BCAS3: variants seen among roughly 807,000 people sequenced by gnomAD.
The protein encoded by BCAS3 is BCAS4/BCAS3 fusion.
Under a neutral mutation model 116.1 loss-of-function variants are expected in BCAS3, and 53 were observed. That is an observed-to-expected ratio of 0.46 (90% CI 0.37 to 0.57). The LOEUF is 0.57. Among genes scored for constraint, BCAS3 ranks in the 20% least tolerant of loss-of-function variants. The pLI, the probability that BCAS3 is intolerant of heterozygous loss-of-function variation, is 0.00. For missense variants in BCAS3, 917 were observed against 1,165.4 expected (o/e 0.79, Z 3.10); for synonymous variants, 391 against 408.2 (o/e 0.96, Z 0.51).
chr17:60,924,622 G>T, intron 13 of BCAS3, 122 bp downstream of exon 13: 1 of 629,908 alleles, frequency 1.6e-6, no homozygotes, highest in Non-Finnish European at 2.6e-6. Context: ...TATCAGAAAA[G>T]TTATTAAGTC....
intron 15 of BCAS3, among the ~76,000 whole-genome samples, chr17:60,998,800 G>A (rs1359910721): frequency 1.3e-5 from 2 of 152,058 alleles, no homozygotes; most frequent in East Asian, 3.9e-4. Context: ...TCTGTTGATA[G>A]TCAGAAGCTC....
intron 4 of BCAS3, among the ~76,000 whole-genome samples, chr17:60,706,029 C>T (rs1222822337): frequency 6.6e-6 from 1 of 152,082 alleles, no homozygotes; most frequent in African/African-American, 2.4e-5. Flanking sequence ...TGTTCTTCCT[C>T]TTCCTCAGCC....
In BCAS3 at chr17:61,368,431, C is replaced by T. The variant is rs757111288; in HGVS notation, c.2530C>T (p.Arg844Trp). The change falls in exon 23 of 24, where the codon CGG becomes TGG. Residue 844 changes from arginine (R) to tryptophan (W), a missense_variant. By Grantham distance (101) the Arg-to-Trp change is moderately radical (BLOSUM62 -3). Coordinates refer to ENST00000407086, the MANE Select transcript of BCAS3 (RefSeq NM_017679.5). The surrounding 1 kb of genome is among the most constrained non-coding windows in gnomAD (Gnocchi z 6.0). ...CATGGAGCACACGGAGGAGGGCCTC[C>T]GGGAGCGACTTGCCGACGCCATGGC... ...SSMEHTEEGL[R>W]ERLADAMAES... 25 of 1,612,406 alleles carry T rather than the reference C, an allele frequency of 1.6e-5. No individual in the cohort carries two copies. The highest frequency in any genetic ancestry group is 2.0e-5 in the Non-Finnish European group (23 of 1,178,690).
intron 7 of BCAS3, among the ~76,000 whole-genome samples, chr17:60,812,804 A>G (rs961298393): frequency 3.9e-5 from 6 of 152,138 alleles, no homozygotes; most frequent in Non-Finnish European, 8.8e-5. Context: ...CAGTGGTCCA[A>G]TCATAGCTCA....
rs948396821 is a variant in BCAS3, at chr17:61,307,958, A to G, written c.2426-60369A>G. ...TGTGGAGACTCAAGATTTTCCAAGC[A>G]CTCATTAAATTGAGCAGAGAAGTAA... On this transcript the variant is annotated intron_variant, in intron 22 of 23. Coordinates refer to ENST00000407086, the MANE Select transcript of BCAS3 (RefSeq NM_017679.5). The surrounding 1 kb of genome is among the most constrained non-coding windows in gnomAD (Gnocchi z 4.7). Among the ~76,000 whole-genome samples, 2 of 152,184 alleles carry G rather than the reference A, an allele frequency of 1.3e-5. No homozygotes were observed. Among genetic ancestry groups the G allele is most frequent in the Non-Finnish European group, 2.9e-5 (2 of 68,034 alleles).
At chr17:61,194,352 C>T (rs1450743185) in intron 22 of BCAS3, among the ~76,000 whole-genome samples, 1 of 152,180 alleles carries the variant, frequency 6.6e-6, no homozygotes, top group Non-Finnish European at 1.5e-5. Context: ...TTCCAAATCA[C>T]ATCAGTTAAT....
chr17:60,795,985 C>T (rs2144563725), intron 6 of BCAS3, among the ~76,000 whole-genome samples: 1 of 152,270 alleles, frequency 6.6e-6, no homozygotes, highest in Non-Finnish European at 1.5e-5. Flanking sequence ...CCACCACTCC[C>T]TGCCGTGATT....
chr17:61,000,120 T>A (rs2064137552), intron 15 of BCAS3, among the ~76,000 whole-genome samples: 1 of 152,080 alleles, frequency 6.6e-6, no homozygotes, highest in South Asian at 2.1e-4. Flanking sequence ...TGCCTTTTAT[T>A]TATTTCTGTT....
chr17:61,382,449 A>G (rs2059650357), intron 23 of BCAS3, among the ~76,000 whole-genome samples: 1 of 151,054 alleles, frequency 6.6e-6, no homozygotes, highest in Non-Finnish European at 1.5e-5. Flanking sequence ...TTTAGTAGAG[A>G]TGGGGTTTCA....
chr17:61,044,045 A>G (rs1425010362), intron 19 of BCAS3, among the ~76,000 whole-genome samples: 1 of 152,012 alleles, frequency 6.6e-6, no homozygotes, highest in Non-Finnish European at 1.5e-5. Context: ...TGTTTTCATT[A>G]ATCTTTCTTA....
intron 5 of BCAS3, among the ~76,000 whole-genome samples, chr17:60,739,015 A>G (rs554883520): frequency 4.0e-4 from 60 of 151,822 alleles, no homozygotes; most frequent in African/African-American, 1.4e-3. Flanking sequence ...TACCTTTCTT[A>G]GCATATCATT....
chr17:61,080,383 C>T (rs929226165), intron 21 of BCAS3, among the ~76,000 whole-genome samples: 16 of 152,162 alleles, frequency 1.1e-4, no homozygotes, highest in African/African-American at 3.9e-4. Context: ...ACCCTAGCAA[C>T]ATCTCACAGA....
At chr17:60,896,188 G>A (rs2057497681) in intron 10 of BCAS3, among the ~76,000 whole-genome samples, 1 of 152,212 alleles carries the variant, frequency 6.6e-6, no homozygotes, top group Admixed American at 6.5e-5. Context: ...AGCCAGGCAT[G>A]GTGGCGTGTG....
intron 22 of BCAS3, among the ~76,000 whole-genome samples, chr17:61,109,567 A>G (rs2074922177): frequency 6.6e-6 from 1 of 152,214 alleles, no homozygotes; most frequent in African/African-American, 2.4e-5. Context: ...TCCCACCAAC[A>G]GTGTAAAAGT....
In BCAS3 at chr17:61,004,498, A is replaced by G. The variant is rs763404656; in HGVS notation, c.1487-11253A>G. On this transcript the variant is annotated intron_variant, in intron 15 of 23. Transcript: ENST00000407086. This position sits in a 1 kb window ranked among gnomAD's most constrained non-coding sequence, Gnocchi z 4.8. Reference sequence around the variant, plus strand: ...GATTTAGAAATTATCAGACTTGAGAATAACAGACATGAATAGTCTTGAGGT... The same window carrying G: ...GATTTAGAAATTATCAGACTTGAGAGTAACAGACATGAATAGTCTTGAGGT... 7.2e-5 allele frequency among the ~76,000 whole-genome samples: 11 copies of G among 152,096 alleles called. No individual in the cohort carries two copies. Among genetic ancestry groups the G allele is most frequent in the Admixed American group, 2.6e-4 (4 of 15,262 alleles).
At position 60,960,152 on chromosome 17, in the gene BCAS3, T is replaced by C. The variant is rs1290118254; in HGVS notation, c.1221+12800T>C. On this transcript the variant is annotated intron_variant, in intron 14 of 23. Coordinates refer to ENST00000407086, the MANE Select transcript of BCAS3 (RefSeq NM_017679.5). This position sits in a 1 kb window ranked among gnomAD's most constrained non-coding sequence, Gnocchi z 4.1. ...ATTCACTTCTCTGTATTCTATCCTC[T>C]GCCTCCCAGAATTCATGTTCATGCC... Among the ~76,000 whole-genome samples, 4 of 152,210 alleles carry C rather than the reference T, an allele frequency of 2.6e-5. No individual in the cohort carries two copies. Among genetic ancestry groups the C allele is most frequent in the Non-Finnish European group, 5.9e-5 (4 of 68,032 alleles).
chr17:61,006,626 T>G (rs1390077391), intron 15 of BCAS3, among the ~76,000 whole-genome samples: 2 of 152,048 alleles, frequency 1.3e-5, no homozygotes, highest in African/African-American at 4.8e-5. Flanking sequence ...CACCTCAGAC[T>G]TGTTCTAAGG....
chr17:61,128,837 T>A lies in BCAS3; in HGVS notation c.2425+44273T>A, dbSNP rs141548011. 6.6e-3 allele frequency among the ~76,000 whole-genome samples: 1,004 copies of A among 152,336 alleles called. 10 individuals are homozygous for A. The highest frequency in any genetic ancestry group is 0.013 in the South Asian group (63 of 4,826). On this transcript the variant is annotated intron_variant, in intron 22 of 23. Coordinates refer to ENST00000407086, the MANE Select transcript of BCAS3 (RefSeq NM_017679.5). This position sits in a 1 kb window ranked among gnomAD's most constrained non-coding sequence, Gnocchi z 4.1. ...TGATGATTAGTGATGTAGTCTCTCCTAAACACATGGTTAGCACAGAAAATT... is the reference window on the plus strand; with the variant it reads ...TGATGATTAGTGATGTAGTCTCTCCAAAACACATGGTTAGCACAGAAAATT...
chr17:60,897,859 A>G (rs1175202863), intron 10 of BCAS3, among the ~76,000 whole-genome samples: 1 of 151,562 alleles, frequency 6.6e-6, no homozygotes, highest in Non-Finnish European at 1.5e-5. Flanking sequence ...GGGTCTACAG[A>G]TGTGTGCCAC....
Sources: gnomAD v4.1 joint callset for allele counts (sites outside exome capture counted in the v4.1 genomes callset) on GRCh38, gnomAD v4.1.1 for gene constraint, Gnocchi (gnomAD v3.1) non-coding constraint, MANE v1.5 for transcripts, NCBI Gene and HGNC (gene_info 2026-07-23, HGNC 2026-07-21) for gene names.